PIK3C2B: variants seen among roughly 807,000 people sequenced by gnomAD.
PIK3C2B encodes phosphatidylinositol 4-phosphate 3-kinase C2 domain-containing subunit beta.
PIK3C2B carries 83 observed loss-of-function variants against 184.3 expected under a neutral mutation model. The observed-to-expected ratio is 0.45, with a 90% confidence interval of 0.38 to 0.54. The LOEUF (loss-of-function observed/expected upper bound fraction) is 0.54, where lower values mean the gene tolerates loss of function less well. Among genes scored for constraint, PIK3C2B ranks in the 20% least tolerant of loss-of-function variants. The pLI, the probability that PIK3C2B is intolerant of heterozygous loss-of-function variation, is 0.00. For missense variants in PIK3C2B, 1,736 were observed against 2,113.5 expected (o/e 0.82, Z 3.50); for synonymous variants, 779 against 837.6 (o/e 0.93, Z 1.21).
At position 204,444,115 on chromosome 1, in the gene PIK3C2B, G is replaced by A; in HGVS notation, c.2820C>T (p.Leu940=). The change falls in exon 18 of 33, where the codon CTC becomes CTT. Residue 940 remains leucine, a synonymous_variant. Transcript: ENST00000684373. The stretch of plus-strand genomic sequence containing the variant: ...TCAAGTCAGACACAGCTCGTTTCAG[G>A]AGGAAGCGCACCAACGGGCTGTCCA... ...CYLDSPLVRF[L]LKRAVSDLRV... 1 of 1,614,010 alleles carries A rather than the reference G, an allele frequency of 6.2e-7. No individual in the cohort carries two copies. The highest frequency in any genetic ancestry group is 8.5e-7 in the Non-Finnish European group (1 of 1,179,836).
chr1:204,453,742 A>T (rs550483125), intron 12 of PIK3C2B, among the ~76,000 whole-genome samples: 6 of 151,740 alleles, frequency 4.0e-5, no homozygotes, highest in Non-Finnish European at 8.8e-5. Flanking sequence ...AAGATCAAAA[A>T]ATAAAGTATT....
chr1:204,428,495 TA>T, intron 29 of PIK3C2B, among the ~76,000 whole-genome samples: 1 of 152,296 alleles, frequency 6.6e-6, no homozygotes, highest in South Asian at 2.1e-4. Context: ...AGTGAGTATT[TA>T]GGGGGTACAG....
chr1:204,443,996 C>A (rs374417655), intron 18 of PIK3C2B, 72 bp downstream of exon 18: 20 of 1,062,818 alleles, frequency 1.9e-5, no homozygotes, highest in Middle Eastern at 2.0e-4. Flanking sequence ...CTTGCCCTTG[C>A]GTGCCTAAGA....
At chr1:204,431,874 T>C (rs1675082426) in intron 27 of PIK3C2B, 81 bp from the exon 28 acceptor site, 1 of 1,534,060 alleles carries the variant, frequency 6.5e-7, no homozygotes, top group Non-Finnish European at 9.0e-7. Flanking sequence ...CGGAAGTGTA[T>C]GTATGTGCTG....
At chr1:204,478,781 T>C (rs1656906846) in intron 1 of PIK3C2B, among the ~76,000 whole-genome samples, 1 of 152,202 alleles carries the variant, frequency 6.6e-6, no homozygotes, top group Non-Finnish European at 1.5e-5. Context: ...CTCCATTAAT[T>C]TGAAGCCAAA....
At chr1:204,463,955 C>G in intron 5 of PIK3C2B, 57 bp downstream of exon 5, 2 of 1,576,186 alleles carry the variant, frequency 1.3e-6, no homozygotes, top group East Asian at 4.5e-5. Flanking sequence ...TCCCATGAAG[C>G]CCCCTCACAA....
At chr1:204,457,218 T>C in intron 9 of PIK3C2B, 148 bp from the exon 10 acceptor site, 1 of 674,360 alleles carries the variant, frequency 1.5e-6, no homozygotes, top group East Asian at 2.7e-5. Context: ...GAGAGAGTAA[T>C]GGTTTGTACC....
chr1:204,484,586 T>G (rs1269180448), intron 1 of PIK3C2B, among the ~76,000 whole-genome samples: 2 of 152,070 alleles, frequency 1.3e-5, no homozygotes, highest in Admixed American at 1.3e-4. Flanking sequence ...TACTAAAAAT[T>G]AGCTGGGCAT....
rs561762466 is a variant in PIK3C2B at position 204,423,984 on chromosome 1, C to G, written c.*868G>C. ...GCATATTCATAGAGACCAGCTGACC[C>G]CCAGAAGGGCCAGGAGAATGGAGGG... is the stretch of plus-strand genomic sequence containing the variant. On this transcript the variant is annotated 3_prime_UTR_variant, in exon 33 of 33. Coordinates refer to ENST00000684373, the MANE Select transcript of PIK3C2B (RefSeq NM_001377334.1). 6.5e-6 allele frequency: 1 copy of G among 152,776 alleles called. No homozygotes were observed. Among genetic ancestry groups the G allele is most frequent in the Admixed American group, 6.5e-5 (1 of 15,292 alleles). The allele number at this position is 152,776 out of a possible 1,614,324, so 9.5% of individuals were successfully genotyped here.
At chr1:204,439,822 A>C (rs1246810668) in intron 22 of PIK3C2B, among the ~76,000 whole-genome samples, 1 of 152,140 alleles carries the variant, frequency 6.6e-6, no homozygotes, top group Non-Finnish European at 1.5e-5. Context: ...TTTTTATTAG[A>C]GATGAGGTGT....
rs1030423171 is a variant in PIK3C2B, at chr1:204,486,708, C to T, written c.-85+7648G>A. Reference sequence around the variant, plus strand: ...TTGCGCCATTGCACTCCAGCCTGGACGACTGAGGGAGATTCCATCTCAAAA... The same window carrying T: ...TTGCGCCATTGCACTCCAGCCTGGATGACTGAGGGAGATTCCATCTCAAAA... On this transcript the variant is annotated intron_variant, in intron 1 of 32. Coordinates refer to ENST00000684373, the MANE Select transcript of PIK3C2B (RefSeq NM_001377334.1). 4.6e-5 allele frequency among the ~76,000 whole-genome samples: 7 copies of T among 152,266 alleles called. 1 individual carries two copies. Among genetic ancestry groups the T allele is most frequent in the Admixed American group, 1.3e-4 (2 of 15,294 alleles).
At chr1:204,437,326 C>T (rs1376223628) in intron 23 of PIK3C2B, among the ~76,000 whole-genome samples, 2 of 152,120 alleles carry the variant, frequency 1.3e-5, no homozygotes, top group African/African-American at 4.8e-5. Context: ...GAAACCCCTT[C>T]TCTACTAAAA....
intron 11 of PIK3C2B, among the ~76,000 whole-genome samples, chr1:204,455,159 C>T (rs145155441): frequency 5.3e-4 from 80 of 152,348 alleles, no homozygotes; most frequent in South Asian, 1.7e-3. Flanking sequence ...GGGAGGAAGA[C>T]GACATATGCC....
At chr1:204,448,985 G>A (rs1404295465) in intron 14 of PIK3C2B, among the ~76,000 whole-genome samples, 200 bp downstream of exon 14, 1 of 152,192 alleles carries the variant, frequency 6.6e-6, no homozygotes, top group African/African-American at 2.4e-5. Flanking sequence ...ACCTCCAGGA[G>A]ATGGGAGATG....
rs570197744 is a variant in PIK3C2B at position 204,489,897 on chromosome 1, C to T, written c.-85+4459G>A. 2.4e-4 allele frequency: 94 copies of T among 396,514 alleles called. No individual in the cohort carries two copies. In the Middle Eastern group the frequency reaches 2.5e-3, roughly 11 times the overall value. The allele number at this position is 396,514 out of a possible 1,614,324, so 24.6% of individuals were successfully genotyped here. ...TGGCCCTCTACTCTTCTTCCCTCAT[C>T]CTTATAACTTACGGTTTGCTGCAAA... On this transcript the variant is annotated intron_variant, in intron 1 of 32. Coordinates refer to ENST00000684373, the MANE Select transcript of PIK3C2B (RefSeq NM_001377334.1).
chr1:204,445,214 A>T lies in PIK3C2B; in HGVS notation c.2678+742T>A, dbSNP rs543897106. ...TAAATGTTGCCCCAAAAGAAAAAAAAAAAAAAACAGAACAAACATCGAGCT... is the reference window on the plus strand; with the variant it reads ...TAAATGTTGCCCCAAAAGAAAAAAATAAAAAAACAGAACAAACATCGAGCT... On this transcript the variant is annotated intron_variant, in intron 16 of 32. Coordinates refer to ENST00000684373, the MANE Select transcript of PIK3C2B (RefSeq NM_001377334.1). Among the ~76,000 whole-genome samples, 149 of 152,128 alleles carry T rather than the reference A, an allele frequency of 9.8e-4. 6 individuals carry two copies. The South Asian group carries it at 0.03, about 30-fold the overall frequency.
In PIK3C2B at chr1:204,469,182, G is replaced by A; in HGVS notation, c.621C>T (p.Ile207=). 6.2e-7 allele frequency: 1 copy of A among 1,613,666 alleles called. No homozygotes were observed. The highest frequency in any genetic ancestry group is 1.3e-5 in the African/African-American group (1 of 75,026). ...CTCCCAGCACCTCTTCCTCTTCTAGGATCCGATGCTCTAGCAGTTTGCCCG... is the reference window on the plus strand; with the variant it reads ...CTCCCAGCACCTCTTCCTCTTCTAGAATCCGATGCTCTAGCAGTTTGCCCG... The part of the protein sequence containing the change: ...QLPGKLLEHR[I]LEEEEVLGGG... Residue 207 remains isoleucine (I), a synonymous_variant, in exon 2 of 33, where the codon ATC becomes ATT. Coordinates refer to ENST00000684373, the MANE Select transcript of PIK3C2B (RefSeq NM_001377334.1).
intron 1 of PIK3C2B, among the ~76,000 whole-genome samples, chr1:204,492,952 C>A (rs914329271): frequency 6.6e-6 from 1 of 152,188 alleles, no homozygotes; most frequent in Non-Finnish European, 1.5e-5. Flanking sequence ...CCAAGCAGAG[C>A]TATAAAATGT....
rs778224821 is a variant in PIK3C2B, at chr1:204,443,613, A to C, written c.2868-16T>G. The C allele has an allele frequency of 7.4e-6, 12 of 1,611,842 alleles. No individual in the cohort carries two copies. The East Asian group carries it at 2.7e-4, about 36-fold the overall frequency. ...CTTCAGTAACCTGCAAGGCAGAGGGAGTCAGGAGTCAGGGCACTCCAGGGA... is the reference window on the plus strand; with the variant it reads ...CTTCAGTAACCTGCAAGGCAGAGGGCGTCAGGAGTCAGGGCACTCCAGGGA... On this transcript the variant is annotated splice_polypyrimidine_tract_variant and intron_variant, in intron 18 of 32. Coordinates refer to ENST00000684373, the MANE Select transcript of PIK3C2B (RefSeq NM_001377334.1).
Sources: gnomAD v4.1 joint callset for allele counts (sites outside exome capture counted in the v4.1 genomes callset) on GRCh38, gnomAD v4.1.1 for gene constraint, MANE v1.5 for transcripts, NCBI Gene and HGNC (gene_info 2026-07-23, HGNC 2026-07-21) for gene names.